CLDN14: variants seen among roughly 807,000 people sequenced by gnomAD.
The protein encoded by CLDN14 is claudin-14.
A neutral mutation model predicts 2.1 loss-of-function variants in CLDN14; 2 were observed. The ratio of observed to expected loss-of-function variants is 0.96; its 90% CI spans 0.39 to 3.01. CLDN14 has a LOEUF of 3.01. Among genes scored for constraint, CLDN14 ranks in the 30% most tolerant of loss-of-function variants. The pLI is 0.09. For synonymous variants in CLDN14, 136 were observed against 154.4 expected (o/e 0.88, Z 0.88); for missense variants, 298 against 328.0 (o/e 0.91, Z 0.71).
chr21:36,537,678 C>A (rs1308124766), intron 1 of CLDN14, among the ~76,000 whole-genome samples: 1 of 138,606 alleles, frequency 7.2e-6, no homozygotes, highest in African/African-American at 2.6e-5. Context: ...GAGACGGAGT[C>A]TCGCTCTGTC....
intron 1 of CLDN14, among the ~76,000 whole-genome samples, chr21:36,516,685 C>G (rs575220880): frequency 2.9e-4 from 44 of 152,294 alleles, no homozygotes; most frequent in Non-Finnish European, 5.4e-4. Flanking sequence ...ACTGTATTTG[C>G]GCAATTCCCA....
At chr21:36,563,657 AT>A (rs2087653164) in intron 1 of CLDN14, among the ~76,000 whole-genome samples, 1 of 152,192 alleles carries the variant, frequency 6.6e-6, no homozygotes, top group Non-Finnish European at 1.5e-5. Context: ...GTAGGAAACG[AT>A]TATTAGAAAA....
chr21:36,492,565 G>A (rs1408640589), intron 2 of CLDN14, among the ~76,000 whole-genome samples: 4 of 152,226 alleles, frequency 2.6e-5, no homozygotes, highest in African/African-American at 9.6e-5. Flanking sequence ...GGAGGTGGAG[G>A]TTGCAGTGAG....
chr21:36,474,325 T>C lies in CLDN14; in HGVS notation c.-82+5170A>G, dbSNP rs116168116. 8.2e-3 allele frequency among the ~76,000 whole-genome samples: 1,252 copies of C among 152,284 alleles called. 12 individuals carry two copies. The highest frequency in any genetic ancestry group is 0.028 in the African/African-American group (1,166 of 41,556). Reference sequence around the variant, plus strand: ...AGAGACCATGATATTTTGCATCGCATTACAGGCGTTGCAGATACCTGCAAA... The same window carrying C: ...AGAGACCATGATATTTTGCATCGCACTACAGGCGTTGCAGATACCTGCAAA... On this transcript the variant is annotated intron_variant, in intron 1 of 1. Transcript: ENST00000399135.
intron 1 of CLDN14, among the ~76,000 whole-genome samples, chr21:36,574,937 C>T (rs2087731629): frequency 6.6e-6 from 1 of 152,176 alleles, no homozygotes; most frequent in Admixed American, 6.5e-5. Context: ...ACCCTGTCCC[C>T]TGCATCTTTA....
intron 1 of CLDN14, among the ~76,000 whole-genome samples, chr21:36,560,190 A>C (rs1376262618): frequency 6.6e-6 from 1 of 150,800 alleles, no homozygotes; most frequent in Non-Finnish European, 1.5e-5. Context: ...ATTTTACGTT[A>C]GTCATTTCTT....
intron 1 of CLDN14, among the ~76,000 whole-genome samples, chr21:36,573,172 G>T (rs1194262365): frequency 6.6e-6 from 1 of 151,924 alleles, no homozygotes; most frequent in Non-Finnish European, 1.5e-5. Flanking sequence ...GTGGTGGTGG[G>T]CGCCTGTAGT....
intron 1 of CLDN14, among the ~76,000 whole-genome samples, chr21:36,526,004 C>T (rs1477947584): frequency 6.6e-5 from 10 of 152,136 alleles, no homozygotes; most frequent in African/African-American, 2.4e-4. Context: ...CGGGTCCAGC[C>T]TCTGCGCTCT....
intron 1 of CLDN14, among the ~76,000 whole-genome samples, chr21:36,570,091 G>T (rs1317950006): frequency 1.3e-5 from 2 of 152,198 alleles, no homozygotes; most frequent in African/African-American, 4.8e-5. Context: ...ATCTCAAAAG[G>T]TGGGACAACT....
chr21:36,510,976 C>T (rs2087181473), intron 1 of CLDN14, among the ~76,000 whole-genome samples: 2 of 152,242 alleles, frequency 1.3e-5, no homozygotes, highest in Non-Finnish European at 2.9e-5. Flanking sequence ...TCTTCTGATT[C>T]TACCTTCTCT....
intron 2 of CLDN14, among the ~76,000 whole-genome samples, chr21:36,490,988 A>ACACC (rs1491519289): frequency 1.7e-4 from 23 of 132,764 alleles, no homozygotes; most frequent in African/African-American, 4.8e-4. Context: ...ACACACACAC[A>ACACC]CCCCTGGACA....
chr21:36,528,625 G>A (rs1263521890), intron 1 of CLDN14, among the ~76,000 whole-genome samples: 3 of 152,182 alleles, frequency 2.0e-5, no homozygotes, highest in Non-Finnish European at 2.9e-5. Flanking sequence ...CACAGATATT[G>A]GGGTATGTGG....
chr21:36,507,593 G>A (rs747720090), intron 2 of CLDN14, among the ~76,000 whole-genome samples: 4 of 152,204 alleles, frequency 2.6e-5, no homozygotes, highest in Admixed American at 1.3e-4. Context: ...GTGGAGTCCC[G>A]TCTCTACTAA....
chr21:36,469,217 G>A (rs566298382), intron 1 of CLDN14, among the ~76,000 whole-genome samples: 1 of 152,182 alleles, frequency 6.6e-6, no homozygotes, highest in Non-Finnish European at 1.5e-5. Context: ...AAGCGATCAA[G>A]CAATACCTTG....
chr21:36,461,520 G>A lies in CLDN14; in HGVS notation c.176C>T (p.Thr59Ile). The A allele has an allele frequency of 6.2e-7, 1 of 1,613,422 alleles. No individual in the cohort carries two copies. The highest frequency in any genetic ancestry group is 1.3e-5 in the African/African-American group (1 of 75,068). Reference protein sequence around the residue: ...GLWMECVWHSTGIYQCQIYRS... With the variant: ...GLWMECVWHSIGIYQCQIYRS... The stretch of plus-strand genomic sequence containing the variant: ...GTAGATCTGGCACTGGTAGATGCCT[G>A]TGCTGTGCCACACACACTCCATCCA... Residue 59 changes from threonine (T) to isoleucine (I), a missense_variant, in exon 2 of 2, where the codon ACA (threonine) becomes ATA (isoleucine). Transcript: ENST00000399135.
At chr21:36,470,238 G>A (rs2086694187) in intron 1 of CLDN14, among the ~76,000 whole-genome samples, 1 of 152,162 alleles carries the variant, frequency 6.6e-6, no homozygotes, top group African/African-American at 2.4e-5. Flanking sequence ...CTCAGAATGT[G>A]ACCTTATTTG....
At chr21:36,550,959 T>C (rs887096856) in intron 1 of CLDN14, among the ~76,000 whole-genome samples, 1 of 152,134 alleles carries the variant, frequency 6.6e-6, no homozygotes, top group African/African-American at 2.4e-5. Flanking sequence ...TGGGCCCTAC[T>C]CCAAAATGAC....
chr21:36,486,553 G>A (rs1326590275), intron 2 of CLDN14: 1 of 1,558,322 alleles, frequency 6.4e-7, no homozygotes, highest in East Asian at 2.2e-5. Flanking sequence ...GAGAACTGAT[G>A]AGAGCATCAG....
At chr21:36,549,377 A>G (rs1158762872) in intron 1 of CLDN14, among the ~76,000 whole-genome samples, 1 of 152,130 alleles carries the variant, frequency 6.6e-6, no homozygotes, top group Non-Finnish European at 1.5e-5. Flanking sequence ...AAATGCTGCA[A>G]AATGAGAAAG....
Sources: gnomAD v4.1 joint callset for allele counts (sites outside exome capture counted in the v4.1 genomes callset) on GRCh38, gnomAD v4.1.1 for gene constraint, MANE v1.5 for transcripts, NCBI Gene and HGNC (gene_info 2026-07-23, HGNC 2026-07-21) for gene names.